The following CCDC3 variants were observed in gnomAD, a reference collection of about 807,000 sequenced individuals.
CCDC3 encodes the protein coiled-coil domain-containing protein 3.
A neutral mutation model predicts 21.4 loss-of-function variants in CCDC3; 24 were observed. That is an observed-to-expected ratio of 1.12 (90% CI 0.81 to 1.58). The LOEUF is 1.58. CCDC3 is among the 40% of genes most tolerant of loss of function. CCDC3 has a pLI of 0.00. For synonymous variants in CCDC3, 186 were observed against 166.0 expected (o/e 1.12, Z -0.93); for missense variants, 425 against 360.9 (o/e 1.18, Z -1.44).
At chr10:12,907,140 C>A (rs1024640597) in intron 2 of CCDC3, among the ~76,000 whole-genome samples, 1 of 152,100 alleles carries the variant, frequency 6.6e-6, no homozygotes, top group Non-Finnish European at 1.5e-5. Context: ...AGACTGAGTC[C>A]CTTGAACACA....
In CCDC3 at chr10:12,898,258, G is replaced by A. The variant is rs1834032204; in HGVS notation, c.*158C>T. 1 of 883,848 alleles carries A rather than the reference G, an allele frequency of 1.1e-6. No individual in the cohort carries two copies. Among genetic ancestry groups the A allele is most frequent in the African/African-American group, 1.7e-5 (1 of 59,222 alleles). The allele number at this position is 883,848 out of a possible 1,614,324, so 54.8% of individuals were successfully genotyped here. On this transcript the variant is annotated 3_prime_UTR_variant, in exon 3 of 3. Coordinates refer to ENST00000378825, the MANE Select transcript of CCDC3 (RefSeq NM_031455.4). ...CTGACATTGAGGCCAGCACCCAAGG[G>A]GAAAGCAAGCCTTGCATTTTATCCA...
intron 3 of CCDC3, among the ~76,000 whole-genome samples, chr10:13,085,182 G>C (rs944624875): frequency 2.6e-5 from 4 of 152,170 alleles, no homozygotes; most frequent in African/African-American, 9.7e-5. Context: ...ACTGGAGTCT[G>C]CCTAGCAAGC....
chr10:13,079,920 A>G (rs1020361795), intron 3 of CCDC3, among the ~76,000 whole-genome samples: 8 of 152,360 alleles, frequency 5.3e-5, no homozygotes, highest in Non-Finnish European at 8.8e-5. Context: ...ACGAGGTTAA[A>G]AAAAGAAAGG....
At chr10:13,040,686 G>GCCACACACACACACACAC (rs1836441424) in intron 5 of CCDC3, among the ~76,000 whole-genome samples, 1 of 65,510 alleles carries the variant, frequency 1.5e-5, no homozygotes, top group South Asian at 6.0e-4. Flanking sequence ...GCAAAACTCT[G>GCCACACACACACACACAC]TCACACACAC....
chr10:12,901,175 T>TG (rs1834086672), intron 2 of CCDC3, among the ~76,000 whole-genome samples: 1 of 152,252 alleles, frequency 6.6e-6, no homozygotes, highest in African/African-American at 2.4e-5. Context: ...CACAGGCTGA[T>TG]GTCTGCCTCC....
chr10:12,959,510 C>T (rs2131255473), intron 2 of CCDC3, among the ~76,000 whole-genome samples: 1 of 152,264 alleles, frequency 6.6e-6, no homozygotes, highest in South Asian at 2.1e-4. Context: ...GATTCCTCAG[C>T]ACAGTGCCTG....
At chr10:12,937,925 CTTTGGTCTT>C (rs986962709) in intron 2 of CCDC3, among the ~76,000 whole-genome samples, 3 of 152,164 alleles carry the variant, frequency 2.0e-5, no homozygotes, top group African/African-American at 4.8e-5. Context: ...ATTTTGGTCC[CTTTGGTCTT>C]CCATCCCGTG....
intron 3 of CCDC3, among the ~76,000 whole-genome samples, chr10:13,089,880 C>A (rs925004763): frequency 1.4e-5 from 2 of 146,100 alleles, no homozygotes; most frequent in Non-Finnish European, 3.0e-5. Flanking sequence ...GTCATTCTTA[C>A]GCCATTGCAT....
intron 2 of CCDC3, among the ~76,000 whole-genome samples, chr10:12,982,030 G>A (rs1835505617): frequency 6.8e-6 from 1 of 147,946 alleles, no homozygotes; most frequent in African/African-American, 2.5e-5. Flanking sequence ...GCTGACGCAG[G>A]AGAATTGCTT....
intron 2 of CCDC3, among the ~76,000 whole-genome samples, chr10:12,915,997 C>T (rs757597685): frequency 6.6e-6 from 1 of 152,074 alleles, no homozygotes; most frequent in Non-Finnish European, 1.5e-5. Flanking sequence ...CCTGGGTTCA[C>T]AGTGGATGGT....
At chr10:13,019,020 T>G (rs985643700) in intron 5 of CCDC3, among the ~76,000 whole-genome samples, 14 of 151,908 alleles carry the variant, frequency 9.2e-5, no homozygotes, top group African/African-American at 3.4e-4. Flanking sequence ...GATCACAAGG[T>G]CAGGAGATCG....
At chr10:13,015,111 G>A (rs1429225095) in intron 5 of CCDC3, among the ~76,000 whole-genome samples, 1 of 152,126 alleles carries the variant, frequency 6.6e-6, no homozygotes, top group Non-Finnish European at 1.5e-5. Context: ...TGAATGAGCT[G>A]TAGGCCCATG....
intron 2 of CCDC3, among the ~76,000 whole-genome samples, chr10:12,951,428 T>C (rs1246445886): frequency 6.6e-6 from 1 of 152,168 alleles, no homozygotes; most frequent in African/African-American, 2.4e-5. Context: ...GCATGATCCA[T>C]TAGCAGTGGG....
At chr10:12,921,578 A>G (rs1195910385) in intron 2 of CCDC3, among the ~76,000 whole-genome samples, 3 of 152,226 alleles carry the variant, frequency 2.0e-5, no homozygotes, top group Non-Finnish European at 4.4e-5. Flanking sequence ...TACATAACAT[A>G]AAATTTACCA....
chr10:12,989,873 T>C (rs1835654125), intron 2 of CCDC3, among the ~76,000 whole-genome samples: 1 of 152,014 alleles, frequency 6.6e-6, no homozygotes, highest in Non-Finnish European at 1.5e-5. Flanking sequence ...CAAATCAAGA[T>C]AGTGGGACCA....
chr10:13,092,718 G>A (rs1239668803), intron 3 of CCDC3, among the ~76,000 whole-genome samples: 1 of 152,256 alleles, frequency 6.6e-6, no homozygotes, highest in Non-Finnish European at 1.5e-5. Flanking sequence ...AGCAGCTGGA[G>A]AAGTGAACCA....
intron 3 of CCDC3, among the ~76,000 whole-genome samples, chr10:13,084,116 T>C (rs1837074810): frequency 6.6e-6 from 1 of 152,058 alleles, no homozygotes; most frequent in Non-Finnish European, 1.5e-5. Flanking sequence ...ATTAAGAAAA[T>C]TAATCCTTTA....
At chr10:13,022,061 T>A (rs1270868421) in intron 5 of CCDC3, among the ~76,000 whole-genome samples, 1 of 152,036 alleles carries the variant, frequency 6.6e-6, no homozygotes, top group African/African-American at 2.4e-5. Context: ...CGCCCAGCCT[T>A]ACTCCTCTAT....
In CCDC3 at chr10:13,041,504, A is replaced by ATTTTTT. The variant is rs71477255; in HGVS notation, c.-2+8164_-2+8169dup. Among the ~76,000 whole-genome samples, 197 of 62,096 alleles carry ATTTTTT rather than the reference A, an allele frequency of 3.2e-3. 47 individuals carry two copies. The highest frequency in any genetic ancestry group is 0.01 in the African/African-American group (123 of 12,278). 40.7% of individuals were successfully genotyped at this position (62,096 alleles called of 152,430 possible). On this transcript the variant is annotated intron_variant, in intron 5 of 6. Coordinates refer to the CCDC3 transcript ENST00000378839. ...GTTCACTCCAAGTGTCTGGCAGATA[A>ATTTTTT]TTTTTTTTTTTTTTTTTTTTTTTTT... is the stretch of plus-strand genomic sequence containing the variant.
Sources: allele counts gnomAD v4.1 joint callset (sites outside exome capture counted in the v4.1 genomes callset), GRCh38; gene constraint gnomAD v4.1.1; transcripts MANE v1.5; gene names NCBI Gene and HGNC (gene_info 2026-07-23, HGNC 2026-07-21).